The following NCKAP5 variants were observed in gnomAD, a reference collection of about 807,000 sequenced individuals.
The protein encoded by NCKAP5 is nck-associated protein 5.
NCKAP5 carries 92 observed loss-of-function variants against 167.0 expected under a neutral mutation model. The observed-to-expected ratio is 0.55, with a 90% CI of 0.47 to 0.66. The LOEUF is 0.66. NCKAP5 is among the 30% of genes least tolerant of loss of function. The pLI, the probability that NCKAP5 is intolerant of heterozygous loss-of-function variation, is 0.00. For synonymous variants in NCKAP5, 891 were observed against 877.4 expected, an observed-to-expected ratio of 1.02 and a Z score of -0.27; for missense variants, 2,378 against 2,315.0, an observed-to-expected ratio of 1.03 and a Z score of -0.56.
Position 133,274,959 on chromosome 2 carries a change from T to TA in NCKAP5, c.143+28077dup, listed in dbSNP as rs535559952. On this transcript the variant is annotated intron_variant, in intron 4 of 19. Transcript: ENST00000409261. ...ACTGTATTAAAATTTTAAAACTTTG[T>TA]AAAAAAAAAACCATAAACAAAATGA... is the stretch of plus-strand genomic sequence containing the variant. 2.6e-3 allele frequency among the ~76,000 whole-genome samples: 367 copies of TA among 143,702 alleles called. 1 individual carries two copies. The highest frequency in any genetic ancestry group is 7.7e-3 in the African/African-American group (301 of 39,168). 94.3% of individuals were successfully genotyped at this position (143,702 alleles called of 152,430 possible).
intron 9 of NCKAP5, among the ~76,000 whole-genome samples, chr2:132,872,679 C>A (rs951814472): frequency 2.6e-5 from 4 of 152,266 alleles, no homozygotes; most frequent in Admixed American, 2.6e-4. Context: ...TCTTCATGAG[C>A]TATTTCACCA....
At chr2:133,413,643 G>T (rs939855078) in intron 3 of NCKAP5, among the ~76,000 whole-genome samples, 1 of 151,944 alleles carries the variant, frequency 6.6e-6, no homozygotes, top group African/African-American at 2.4e-5. Context: ...TAAATCAGAA[G>T]ATGTCACATT....
At chr2:133,152,766 A>G (rs2083428542) in intron 5 of NCKAP5, among the ~76,000 whole-genome samples, 1 of 152,210 alleles carries the variant, frequency 6.6e-6, no homozygotes, top group Non-Finnish European at 1.5e-5. Flanking sequence ...CCCATATACA[A>G]CAGTGATCCC....
At chr2:133,083,255 C>A (rs1025697) in intron 6 of NCKAP5, among the ~76,000 whole-genome samples, 1 of 151,982 alleles carries the variant, frequency 6.6e-6, no homozygotes, top group African/African-American at 2.4e-5. Flanking sequence ...CCAAAAGTAC[C>A]TTAGGTATTC....
chr2:133,423,957 T>G (rs1689636547), intron 3 of NCKAP5, among the ~76,000 whole-genome samples: 1 of 152,232 alleles, frequency 6.6e-6, no homozygotes, highest in East Asian at 1.9e-4. Flanking sequence ...CAAGACTAAT[T>G]TCTCCAAATC....
chr2:133,116,487 CAAAAAAAAAAAAA>C (rs1176731938), intron 6 of NCKAP5, among the ~76,000 whole-genome samples: 5 of 7,148 alleles, frequency 7.0e-4, no homozygotes, highest in Admixed American at 2.0e-3. Flanking sequence ...GACTCCGTCT[CAAAAAAAAAAAAA>C]AAAAAAAAAA....
intron 3 of NCKAP5, among the ~76,000 whole-genome samples, chr2:133,516,363 C>T (rs937994736): frequency 5.9e-5 from 9 of 152,234 alleles, no homozygotes; most frequent in Middle Eastern, 6.8e-3. Context: ...GTCAGATCTA[C>T]GGAGAGGAGA....
chr2:132,916,280 T>C (rs1378941981), intron 8 of NCKAP5, among the ~76,000 whole-genome samples: 9 of 152,080 alleles, frequency 5.9e-5, no homozygotes, highest in Admixed American at 5.9e-4. Context: ...ACAGAATTTA[T>C]GATCGAATGT....
chr2:133,353,424 G>A (rs1684496013), intron 3 of NCKAP5, among the ~76,000 whole-genome samples: 1 of 152,112 alleles, frequency 6.6e-6, no homozygotes, highest in Non-Finnish European at 1.5e-5. Context: ...GTAACATCAG[G>A]GCATTTGCTG....
At chr2:133,222,209 T>C (rs905420848) in intron 4 of NCKAP5, among the ~76,000 whole-genome samples, 12 of 152,156 alleles carry the variant, frequency 7.9e-5, no homozygotes, top group Admixed American at 3.9e-4. Flanking sequence ...TTGTCAGTTA[T>C]GTCTATTGAT....
intron 3 of NCKAP5, among the ~76,000 whole-genome samples, chr2:133,468,702 G>A (rs928899431): frequency 6.6e-6 from 1 of 152,146 alleles, no homozygotes; most frequent in African/African-American, 2.4e-5. Flanking sequence ...TCCTGTATTG[G>A]GTGCATATAT....
the NCKAP5 span, among the ~76,000 whole-genome samples, chr2:133,642,813 A>T: frequency 3.0e-4 from 45 of 152,378 alleles, no homozygotes; most frequent in African/African-American, 8.9e-4. Flanking sequence ...CATTTATAGC[A>T]GTAAATAAAT....
intron 8 of NCKAP5, among the ~76,000 whole-genome samples, chr2:132,881,889 A>G (rs1392171264): frequency 6.7e-6 from 1 of 149,810 alleles, no homozygotes. Flanking sequence ...CTACCTATTT[A>G]AGCAACCATC....
intron 6 of NCKAP5, among the ~76,000 whole-genome samples, chr2:133,080,741 T>C (rs2080774721): frequency 6.6e-6 from 1 of 152,082 alleles, no homozygotes; most frequent in African/African-American, 2.4e-5. Flanking sequence ...GAACTTGAAA[T>C]ATAATTGTGG....
intron 3 of NCKAP5, among the ~76,000 whole-genome samples, chr2:133,413,004 A>C (rs1300730495): frequency 2.0e-5 from 3 of 152,212 alleles, no homozygotes; most frequent in Non-Finnish European, 4.4e-5. Context: ...CAAATATGAG[A>C]GTCCTGTGAG....
At chr2:132,693,273 G>GT (rs1686963812) in intron 19 of NCKAP5, among the ~76,000 whole-genome samples, 1 of 152,172 alleles carries the variant, frequency 6.6e-6, no homozygotes, top group Non-Finnish European at 1.5e-5. Flanking sequence ...TTGGAAATAG[G>GT]TTTTTTAGAT....
the NCKAP5 span, among the ~76,000 whole-genome samples, chr2:133,634,874 C>CTTT: frequency 7.0e-6 from 1 of 143,480 alleles, no homozygotes; most frequent in Non-Finnish European, 1.5e-5. Context: ...TCTTTTCTTT[C>CTTT]TTTTTTTTTT....
At chr2:133,423,614 G>A (rs1473374168) in intron 3 of NCKAP5, among the ~76,000 whole-genome samples, 1 of 152,120 alleles carries the variant, frequency 6.6e-6, no homozygotes, top group African/African-American at 2.4e-5. Context: ...CATTTATCTT[G>A]CAATCCCACT....
At chr2:132,854,354 T>C (rs1454190531) in intron 11 of NCKAP5, among the ~76,000 whole-genome samples, 2 of 152,246 alleles carry the variant, frequency 1.3e-5, no homozygotes, top group African/African-American at 2.4e-5. Flanking sequence ...AATTGTAGCA[T>C]ACTTACAAAG....
Sources: gnomAD v4.1 joint callset for allele counts (sites outside exome capture counted in the v4.1 genomes callset) on GRCh38, gnomAD v4.1.1 for gene constraint, MANE v1.5 for transcripts, NCBI Gene and HGNC (gene_info 2026-07-23, HGNC 2026-07-21) for gene names.